PTPRM: variants seen among roughly 807,000 people sequenced by gnomAD.
PTPRM encodes the protein receptor-type tyrosine-protein phosphatase mu.
A neutral mutation model predicts 186.7 loss-of-function variants in PTPRM; 47 were observed. The ratio of observed to expected loss-of-function variants is 0.25; its 90% CI spans 0.20 to 0.32. The LOEUF (loss-of-function observed/expected upper bound fraction) is 0.32, where lower values mean the gene tolerates loss of function less well. Ranked by LOEUF, PTPRM falls within the 10% of genes least tolerant of loss-of-function variation. The pLI, the probability that PTPRM is intolerant of heterozygous loss-of-function variation, is 1.00. For missense variants in PTPRM, 1,494 were observed against 1,865.0 expected (o/e 0.80, Z 3.66); for synonymous variants, 668 against 674.9 (o/e 0.99, Z 0.16).
At chr18:7,866,112 T>C (rs1416936562) in intron 2 of PTPRM, among the ~76,000 whole-genome samples, 1 of 152,180 alleles carries the variant, frequency 6.6e-6, no homozygotes, top group Non-Finnish European at 1.5e-5. Context: ...TCTATCTGTT[T>C]TGATGATCTT....
intron 7 of PTPRM, among the ~76,000 whole-genome samples, chr18:7,985,223 A>G (rs1353699928): frequency 8.8e-6 from 1 of 114,154 alleles, no homozygotes. Flanking sequence ...ATATACACAT[A>G]TAAATATATA....
chr18:8,152,263 T>C (rs886949995), intron 14 of PTPRM, among the ~76,000 whole-genome samples: 4 of 152,184 alleles, frequency 2.6e-5, no homozygotes, highest in African/African-American at 9.6e-5. Flanking sequence ...AAGCCATAGG[T>C]TTGGAAGAGG....
At chr18:8,211,377 C>CTTT (rs970926126) in intron 14 of PTPRM, among the ~76,000 whole-genome samples, 2,784 of 87,266 alleles carry the variant, frequency 0.032, 13 homozygotes, top group African/African-American at 0.038. Context: ...GTCTCTTCTT[C>CTTT]TTTTTTTTTT....
chr18:8,193,882 A>G (rs1195786935), intron 14 of PTPRM, among the ~76,000 whole-genome samples: 1 of 152,178 alleles, frequency 6.6e-6, no homozygotes, highest in South Asian at 2.1e-4. Flanking sequence ...GTGTTTTCCA[A>G]ATTGTTTCAG....
intron 4 of PTPRM, among the ~76,000 whole-genome samples, chr18:7,914,575 C>G (rs1373772068): frequency 6.6e-6 from 1 of 151,918 alleles, no homozygotes; most frequent in Non-Finnish European, 1.5e-5. Context: ...TAGAATTTAT[C>G]ACAATGCTTA....
chr18:8,195,439 C>T (rs2093764358), intron 14 of PTPRM, among the ~76,000 whole-genome samples: 2 of 151,978 alleles, frequency 1.3e-5, no homozygotes, highest in Admixed American at 1.3e-4. Context: ...AGTTATCTAC[C>T]CAAAGGAAAA....
At chr18:7,762,521 C>T (rs943526434) in intron 1 of PTPRM, among the ~76,000 whole-genome samples, 1 of 152,068 alleles carries the variant, frequency 6.6e-6, no homozygotes, top group African/African-American at 2.4e-5. Context: ...ACAGATGTCA[C>T]ATGATTAAAA....
intron 14 of PTPRM, among the ~76,000 whole-genome samples, chr18:8,192,594 G>A (rs2093723776): frequency 2.0e-5 from 3 of 152,166 alleles, no homozygotes; most frequent in Non-Finnish European, 4.4e-5. Context: ...TGCATCTATG[G>A]TAAACTTAAA....
chr18:8,386,433 G>A (rs2095773946), intron 30 of PTPRM, among the ~76,000 whole-genome samples: 1 of 152,126 alleles, frequency 6.6e-6, no homozygotes, highest in Non-Finnish European at 1.5e-5. Flanking sequence ...AGTGAGGAAA[G>A]CGTGTTGACA....
chr18:7,763,250 A>C (rs1384359142), intron 1 of PTPRM, among the ~76,000 whole-genome samples: 2 of 152,270 alleles, frequency 1.3e-5, no homozygotes, highest in Admixed American at 6.5e-5. Flanking sequence ...TTTGGACCCC[A>C]GTGAAATGTC....
At chr18:8,083,697 A>G (rs778459596) in intron 9 of PTPRM, among the ~76,000 whole-genome samples, 19 of 152,130 alleles carry the variant, frequency 1.2e-4, no homozygotes, top group Non-Finnish European at 2.2e-4. Flanking sequence ...TGGTGCTTGC[A>G]GAGTGTCAGT....
At chr18:7,933,276 C>T (rs1453958080) in intron 5 of PTPRM, among the ~76,000 whole-genome samples, 3 of 152,122 alleles carry the variant, frequency 2.0e-5, no homozygotes, top group South Asian at 4.1e-4. Context: ...AAGTGCTCAA[C>T]CTAATAAGGA....
intron 8 of PTPRM, among the ~76,000 whole-genome samples, chr18:8,072,735 C>T (rs1172458652): frequency 1.3e-5 from 2 of 151,900 alleles, no homozygotes; most frequent in African/African-American, 4.8e-5. Flanking sequence ...ATTTACCTTT[C>T]ATTAATGTTA....
In PTPRM at chr18:8,256,613, G is replaced by A. The variant is rs565713611; in HGVS notation, c.2754+3199G>A. 5.3e-5 allele frequency among the ~76,000 whole-genome samples: 8 copies of A among 152,284 alleles called. No homozygotes were observed. The South Asian group carries it at 1.7e-3, about 32-fold the overall frequency. On this transcript the variant is annotated intron_variant, in intron 19 of 32. Transcript: ENST00000580170. ...CATCTCTTGCGCATAGCAGTCTGAG[G>A]ATAGAGTGAGCCACATGTTATGGAA... is the stretch of plus-strand genomic sequence containing the variant.
intron 7 of PTPRM, among the ~76,000 whole-genome samples, chr18:8,026,300 C>T (rs1029918811): frequency 1.3e-5 from 2 of 152,140 alleles, no homozygotes; most frequent in Non-Finnish European, 2.9e-5. Flanking sequence ...GCTTCTTTTC[C>T]ATTTGCATAG....
chr18:7,984,602 T>TATATATATATATACACAC (rs1214502563), intron 7 of PTPRM, among the ~76,000 whole-genome samples: 61 of 87,152 alleles, frequency 7.0e-4, no homozygotes, highest in Middle Eastern at 5.6e-3. Context: ...TATATATATA[T>TATATATATATATACACAC]ACACACACAC....
At chr18:8,150,301 C>T (rs760855550) in intron 14 of PTPRM, among the ~76,000 whole-genome samples, 1 of 152,176 alleles carries the variant, frequency 6.6e-6, no homozygotes, top group Non-Finnish European at 1.5e-5. Context: ...TAGATTTGGT[C>T]TTTTCACATA....
At chr18:7,787,813 A>G (rs1340253000) in intron 2 of PTPRM, among the ~76,000 whole-genome samples, 1 of 152,242 alleles carries the variant, frequency 6.6e-6, no homozygotes, top group Non-Finnish European at 1.5e-5. Flanking sequence ...TCAAGTGGGT[A>G]ATATCTACTT....
intron 13 of PTPRM, among the ~76,000 whole-genome samples, chr18:8,124,157 G>A (rs1361314396): frequency 6.6e-6 from 1 of 152,172 alleles, no homozygotes. Flanking sequence ...AGGGCTACAG[G>A]TGATCTACCT....
Sources: allele counts gnomAD v4.1 joint callset (sites outside exome capture counted in the v4.1 genomes callset), GRCh38; gene constraint gnomAD v4.1.1; transcripts MANE v1.5; gene names NCBI Gene and HGNC (gene_info 2026-07-23, HGNC 2026-07-21).